The following PNKD variants were observed in gnomAD, a reference collection of about 807,000 sequenced individuals.
The protein encoded by PNKD is probable thioesterase PNKD.
Under a neutral mutation model 45.3 loss-of-function variants are expected in PNKD, and 36 were observed. The observed-to-expected ratio is 0.80, with a 90% CI of 0.61 to 1.05. PNKD has a LOEUF of 1.05. Among genes scored for constraint, PNKD ranks in the 50% least tolerant of loss-of-function variants. PNKD has a pLI of 0.00. For missense variants in PNKD, 511 were observed against 506.6 expected (o/e 1.01, Z -0.08); for synonymous variants, 197 against 210.1 (o/e 0.94, Z 0.54).
At chr2:218,319,676 G>A (rs1033249127) in intron 2 of PNKD, among the ~76,000 whole-genome samples, 1 of 152,202 alleles carries the variant, frequency 6.6e-6, no homozygotes, top group Non-Finnish European at 1.5e-5. Flanking sequence ...GCTCGGCCCC[G>A]TCTTGTGTAT....
intron 2 of PNKD, among the ~76,000 whole-genome samples, chr2:218,299,486 C>A (rs1054587242): frequency 6.6e-6 from 1 of 152,126 alleles, no homozygotes; most frequent in African/African-American, 2.4e-5. Flanking sequence ...TCGCTCTCAC[C>A]CAGGCTGGAG....
intron 2 of PNKD, among the ~76,000 whole-genome samples, chr2:218,282,452 GGA>G (rs1692115672): frequency 6.6e-6 from 1 of 152,246 alleles, no homozygotes; most frequent in Non-Finnish European, 1.5e-5. Flanking sequence ...GATTCGCTGA[GGA>G]GAGAGGGAAC....
intron 2 of PNKD, chr2:218,280,403 C>T (rs1200945915): frequency 5.8e-5 from 22 of 381,628 alleles, no homozygotes; most frequent in Middle Eastern, 8.1e-4. Context: ...TGGGGGGTCA[C>T]GATGTAGTGG....
At chr2:218,320,061 G>A (rs1414922025) in intron 2 of PNKD, among the ~76,000 whole-genome samples, 1 of 152,222 alleles carries the variant, frequency 6.6e-6, no homozygotes, top group African/African-American at 2.4e-5. Flanking sequence ...CATCTGAGGA[G>A]GTTGAAGAGA....
intron 7 of PNKD, among the ~76,000 whole-genome samples, chr2:218,342,493 A>G (rs1283129231): frequency 6.6e-6 from 1 of 152,142 alleles, no homozygotes; most frequent in African/African-American, 2.4e-5. Context: ...TGAGGTCAGG[A>G]GTTCAAGACC....
chr2:218,336,151 G>A (rs1376416897), intron 2 of PNKD, among the ~76,000 whole-genome samples: 2 of 145,144 alleles, frequency 1.4e-5, no homozygotes, highest in African/African-American at 5.1e-5. Flanking sequence ...GGAGGCAGAG[G>A]TTGCAGTGAG....
intron 6 of PNKD, 43 bp downstream of exon 6, chr2:218,341,669 CT>C: frequency 7.5e-7 from 1 of 1,335,982 alleles, no homozygotes; most frequent in Non-Finnish European, 1.1e-6. Flanking sequence ...TCCATGGGCC[CT>C]TTCCCCCACC....
At chr2:218,304,397 G>A (rs1269091017) in intron 2 of PNKD, among the ~76,000 whole-genome samples, 1 of 152,050 alleles carries the variant, frequency 6.6e-6, no homozygotes, top group Non-Finnish European at 1.5e-5. Context: ...ACCCGCCTCG[G>A]CCTCCCAAAG....
At chr2:218,341,893 T>G (rs527833739) in intron 6 of PNKD, 88 bp from the exon 7 acceptor site, 1 of 1,114,794 alleles carries the variant, frequency 9.0e-7, no homozygotes, top group South Asian at 1.3e-5. Context: ...CTCTTGTGAA[T>G]CACCCAGCCC....
At position 218,271,486 on chromosome 2, in the gene PNKD, C is replaced by CG. The variant is rs1559496031; in HGVS notation, c.175dup (p.Glu59GlyfsTer48). On this transcript the variant is annotated frameshift_variant, in exon 2 of 10. Transcript: ENST00000273077. LOFTEE classifies it high-confidence loss of function. ...AAGGAGGAACCTGAACCCCTATCCC[C>CG]GGAGCTGGAATACATTCCCAGAAAG... 6.2e-7 allele frequency: 1 copy of CG among 1,614,200 alleles called. No individual in the cohort carries two copies. Among genetic ancestry groups the CG allele is most frequent in the Non-Finnish European group, 8.5e-7 (1 of 1,180,020 alleles).
At chr2:218,334,756 C>T (rs1167590909) in intron 2 of PNKD, 1 of 702,454 alleles carries the variant, frequency 1.4e-6, no homozygotes. Context: ...TATATTGTTA[C>T]TGGTGAGATT....
At position 218,323,017 on chromosome 2, in the gene PNKD, C is replaced by T. The variant is rs1870124; in HGVS notation, c.237-16766C>T. On this transcript the variant is annotated intron_variant, in intron 2 of 9. Transcript: ENST00000273077. ...GACCCCGATCAGCGCAGGCTCGCGG[C>T]CCGCTGTGGCCCCGCCTCCTGGCCG... 0.6 allele frequency among the ~76,000 whole-genome samples: 89,679 copies of T among 150,254 alleles called. 26,870 individuals carry two copies. The highest frequency in any genetic ancestry group is 0.65 in the South Asian group (3,099 of 4,766).
At chr2:218,335,943 G>A (rs571653874) in intron 2 of PNKD, among the ~76,000 whole-genome samples, 10 of 152,262 alleles carry the variant, frequency 6.6e-5, no homozygotes, top group South Asian at 2.1e-4. Context: ...TCAGCCAGGC[G>A]TGGTGGCTCA....
chr2:218,296,163 A>T (rs922821012), intron 2 of PNKD, among the ~76,000 whole-genome samples: 3 of 152,158 alleles, frequency 2.0e-5, no homozygotes, highest in African/African-American at 7.2e-5. Context: ...ATATTTTTTC[A>T]TATAAGCATA....
chr2:218,332,215 C>G (rs920830733), intron 2 of PNKD, among the ~76,000 whole-genome samples: 1 of 152,166 alleles, frequency 6.6e-6, no homozygotes, highest in African/African-American at 2.4e-5. Flanking sequence ...GACAGAGGCT[C>G]TTGTAAGGCC....
At chr2:218,298,682 C>T (rs1693202350) in intron 2 of PNKD, among the ~76,000 whole-genome samples, 1 of 152,088 alleles carries the variant, frequency 6.6e-6, no homozygotes, top group African/African-American at 2.4e-5. Flanking sequence ...GAGCTGGGAG[C>T]TCAGCAGGGC....
intron 2 of PNKD, among the ~76,000 whole-genome samples, chr2:218,309,784 A>G (rs1693546009): frequency 1.3e-5 from 2 of 151,754 alleles, no homozygotes; most frequent in Non-Finnish European, 2.9e-5. Flanking sequence ...ATACAAAAAA[A>G]ATTAGCCGAG....
At chr2:218,313,930 G>A (rs114691783) in intron 2 of PNKD, among the ~76,000 whole-genome samples, 4,321 of 138,964 alleles carry the variant, frequency 0.031, 252 homozygotes, top group African/African-American at 0.11. Flanking sequence ...TTTTTGAGAC[G>A]GAGTTTCACT....
chr2:218,306,704 T>A (rs992225350), intron 2 of PNKD, among the ~76,000 whole-genome samples: 16 of 152,160 alleles, frequency 1.1e-4, no homozygotes, highest in African/African-American at 3.9e-4. Context: ...TTCACCCTCC[T>A]TACCCACAAG....
Sources: allele counts gnomAD v4.1 joint callset (sites outside exome capture counted in the v4.1 genomes callset), GRCh38; gene constraint gnomAD v4.1.1; transcripts MANE v1.5; gene names NCBI Gene and HGNC (gene_info 2026-07-23, HGNC 2026-07-21).